The following AGBL1 variants were observed in gnomAD, a reference collection of about 807,000 sequenced individuals.
AGBL1 encodes cytosolic carboxypeptidase 4.
Under a neutral mutation model 118.9 loss-of-function variants are expected in AGBL1, and 130 were observed. That is an observed-to-expected ratio of 1.09 (90% confidence interval 0.95 to 1.26). The LOEUF (loss-of-function observed/expected upper bound fraction) is 1.26. Among genes scored for constraint, AGBL1 ranks in the 50% most tolerant of loss-of-function variants. The pLI, the probability that AGBL1 is intolerant of heterozygous loss-of-function variation, is 0.00. For missense variants in AGBL1, 1,584 were observed against 1,298.1 expected (o/e 1.22, Z -3.38); for synonymous variants, 555 against 478.9 (o/e 1.16, Z -2.08).
At chr15:86,216,163 C>G in intron 5 of AGBL1, among the ~76,000 whole-genome samples, 1 of 152,132 alleles carries the variant, frequency 6.6e-6, no homozygotes, top group Non-Finnish European at 1.5e-5. Flanking sequence ...TAAGATTTTT[C>G]TGTACCCAAG....
chr15:86,686,397 C>T (rs1254666847), intron 22 of AGBL1, among the ~76,000 whole-genome samples: 1 of 150,750 alleles, frequency 6.6e-6, no homozygotes, highest in East Asian at 2.0e-4. Flanking sequence ...AATGGCACTA[C>T]TGATAATAGT....
chr15:86,161,626 T>C (rs1230511663), intron 5 of AGBL1, among the ~76,000 whole-genome samples: 4 of 152,206 alleles, frequency 2.6e-5, no homozygotes, highest in African/African-American at 7.2e-5. Flanking sequence ...CTAAATGGCT[T>C]ATACCCATGG....
intron 24 of AGBL1, among the ~76,000 whole-genome samples, chr15:87,005,512 A>G (rs555156345): frequency 3.9e-4 from 59 of 152,284 alleles, no homozygotes; most frequent in African/African-American, 1.2e-3. Context: ...TTCGTCACAT[A>G]GTTCTCGTGT....
intron 17 of AGBL1, among the ~76,000 whole-genome samples, chr15:86,304,262 C>T (rs1373925322): frequency 1.3e-5 from 2 of 152,128 alleles, no homozygotes; most frequent in African/African-American, 4.8e-5. Flanking sequence ...ACTTATTGAA[C>T]ACAGCAACCT....
chr15:86,828,948 T>C (rs191125447), intron 22 of AGBL1, among the ~76,000 whole-genome samples: 1,787 of 144,000 alleles, frequency 0.012, 28 homozygotes, highest in Non-Finnish European at 0.02. Flanking sequence ...ATATACTGTG[T>C]ATTTATATGG....
chr15:86,479,339 A>C (rs2142119578), intron 18 of AGBL1, among the ~76,000 whole-genome samples: 1 of 152,344 alleles, frequency 6.6e-6, no homozygotes, highest in South Asian at 2.1e-4. Context: ...CTCATCTGAC[A>C]AAGGGCTAAT....
At chr15:86,441,247 C>G (rs539366461) in intron 18 of AGBL1, among the ~76,000 whole-genome samples, 14 of 152,260 alleles carry the variant, frequency 9.2e-5, no homozygotes, top group Non-Finnish European at 1.8e-4. Context: ...ATAATTATCA[C>G]TTGTTGTTGA....
At chr15:86,922,789 A>C (rs1413455437) in intron 23 of AGBL1, among the ~76,000 whole-genome samples, 1 of 152,246 alleles carries the variant, frequency 6.6e-6, no homozygotes, top group African/African-American at 2.4e-5. Context: ...GGTGGAAAAG[A>C]GGCAATGAAG....
At chr15:86,249,028 A>G (rs2078766056) in intron 7 of AGBL1, among the ~76,000 whole-genome samples, 1 of 152,138 alleles carries the variant, frequency 6.6e-6, no homozygotes, top group Admixed American at 6.5e-5. Flanking sequence ...ACCCCACTGG[A>G]ATATGCATTC....
intron 6 of AGBL1, among the ~76,000 whole-genome samples, chr15:86,228,482 AC>A (rs1271145284): frequency 6.6e-6 from 1 of 152,122 alleles, no homozygotes; most frequent in African/African-American, 2.4e-5. Flanking sequence ...AGGAGTAAAG[AC>A]CCACTACTCT....
At chr15:86,677,379 T>C (rs1016916450) in intron 22 of AGBL1, among the ~76,000 whole-genome samples, 23 of 152,154 alleles carry the variant, frequency 1.5e-4, no homozygotes, top group African/African-American at 5.3e-4. Context: ...CACGAAAGCA[T>C]CTTTTGATCT....
At chr15:86,437,083 G>T (rs1481882139) in intron 18 of AGBL1, among the ~76,000 whole-genome samples, 1 of 151,862 alleles carries the variant, frequency 6.6e-6, no homozygotes, top group Non-Finnish European at 1.5e-5. Context: ...TTCTCCCCTA[G>T]TTGCTATCAT....
chr15:86,492,587 C>CA (rs1360241747), intron 18 of AGBL1, among the ~76,000 whole-genome samples: 127 of 83,590 alleles, frequency 1.5e-3, no homozygotes, highest in African/African-American at 5.0e-3. Flanking sequence ...GAGACTCTAT[C>CA]AAAAAAAAGA....
intron 21 of AGBL1, among the ~76,000 whole-genome samples, chr15:86,602,846 C>T (rs2084516930): frequency 6.6e-6 from 1 of 152,114 alleles, no homozygotes; most frequent in Admixed American, 6.6e-5. Context: ...CTCTTGAAGT[C>T]GATATCAAAA....
chr15:86,810,337 C>G (rs1474378615), intron 22 of AGBL1, among the ~76,000 whole-genome samples: 1 of 152,100 alleles, frequency 6.6e-6, no homozygotes, highest in Admixed American at 6.6e-5. Context: ...ATTTTCTTGC[C>G]TGTCTGCAAC....
intron 23 of AGBL1, among the ~76,000 whole-genome samples, chr15:86,930,163 C>T (rs755435765): frequency 3.9e-5 from 6 of 152,046 alleles, no homozygotes; most frequent in East Asian, 1.9e-4. Flanking sequence ...CAAAATATAA[C>T]GAATATCACT....
At chr15:86,154,098 T>C (rs1157658098) in intron 3 of AGBL1, among the ~76,000 whole-genome samples, 2 of 152,172 alleles carry the variant, frequency 1.3e-5, no homozygotes, top group East Asian at 3.8e-4. Context: ...ATATTAAGAA[T>C]ATTCAATATT....
intron 21 of AGBL1, among the ~76,000 whole-genome samples, chr15:86,635,296 C>T (rs1358368865): frequency 1.1e-4 from 2 of 18,150 alleles, no homozygotes; most frequent in African/African-American, 3.4e-4. Flanking sequence ...TCCCCCTCCC[C>T]CTCCCCTCCT....
intron 22 of AGBL1, among the ~76,000 whole-genome samples, chr15:86,896,781 C>T (rs1024926844): frequency 6.6e-6 from 1 of 152,058 alleles, no homozygotes; most frequent in African/African-American, 2.4e-5. Flanking sequence ...TTTATATTCT[C>T]TTTTGTAAAC....
Sources: gnomAD v4.1 joint callset for allele counts (sites outside exome capture counted in the v4.1 genomes callset) on GRCh38, gnomAD v4.1.1 for gene constraint, MANE v1.5 for transcripts, NCBI Gene and HGNC (gene_info 2026-07-23, HGNC 2026-07-21) for gene names.